Variants in ADGRL1 observed in about 807,000 individuals in gnomAD.
ADGRL1 encodes adhesion G protein-coupled receptor L1.
In ADGRL1, 31 loss-of-function variants were observed where a neutral mutation model predicts 148.9. The ratio of observed to expected loss-of-function variants is 0.21; its 90% CI spans 0.16 to 0.28. The LOEUF is 0.28. Ranked by LOEUF, ADGRL1 falls within the 10% of genes least tolerant of loss-of-function variation. ADGRL1 has a pLI of 1.00. For missense variants in ADGRL1, 1,521 were observed against 2,058.8 expected (o/e 0.74, Z 5.05); for synonymous variants, 937 against 900.3 (o/e 1.04, Z -0.73).
At chr19:14,156,889 G>A (rs1188988451) in intron 15 of ADGRL1, 36 bp downstream of exon 15, 1 of 1,599,928 alleles carries the variant, frequency 6.3e-7, no homozygotes, top group African/African-American at 1.3e-5. Context: ...CAGGGAACCA[G>A]GTGGGAGGGT....
At chr19:14,192,040 C>T (rs1192631193) in intron 1 of ADGRL1, among the ~76,000 whole-genome samples, 1 of 152,004 alleles carries the variant, frequency 6.6e-6, no homozygotes, top group Non-Finnish European at 1.5e-5. Context: ...GAGTAGGGGG[C>T]CCCACCCTTA....
intron 4 of ADGRL1, among the ~76,000 whole-genome samples, chr19:14,167,493 GC>G (rs1970090137): frequency 6.6e-6 from 1 of 152,138 alleles, no homozygotes. Flanking sequence ...TTCCCACCCT[GC>G]CTGCTGCCCT....
rs1776206165 is a variant in ADGRL1, at chr19:14,155,975, CCT to C, written c.3125+133_3125+134del. On this transcript the variant is annotated intron_variant, in intron 17 of 22. Coordinates refer to ENST00000361434, the MANE Select transcript of ADGRL1 (RefSeq NM_014921.5). This position sits in a 1 kb window ranked among gnomAD's most constrained non-coding sequence, Gnocchi z 5.0. ...TACATAGTGAACACAATAGAACACCCCTGTTGGTACTTAAAATTGCAATGTGT... is the reference window on the plus strand; with the variant it reads ...TACATAGTGAACACAATAGAACACCCGTTGGTACTTAAAATTGCAATGTGT... The C allele has an allele frequency of 2.9e-6, 2 of 678,070 alleles. No individual in the cohort carries two copies. Among genetic ancestry groups the C allele is most frequent in the Admixed American group, 2.1e-5 (1 of 46,760 alleles). The allele number at this position is 678,070 out of a possible 1,614,324, so 42.0% of individuals were successfully genotyped here.
chr19:14,158,463 C>G lies in ADGRL1; in HGVS notation c.2239G>C (p.Gly747Arg), dbSNP rs777441031. ...GAGGCGCCCCCAGGGCCACCCGGGCCTGCTTCGCCGGCCAGCTTCACTGTG... is the reference window on the plus strand; with the variant it reads ...GAGGCGCCCCCAGGGCCACCCGGGCGTGCTTCGCCGGCCAGCTTCACTGTG... The part of the protein sequence containing the change: ...NATVKLAGEA[G>R]PGGPGGASLV... Residue 747 changes from glycine to arginine, a missense_variant, in exon 12 of 23, where the codon GGC becomes CGC. This residue lies in a region of ADGRL1 where 265 missense variants were observed against 431.9 expected (regional missense o/e 0.61). Transcript: ENST00000361434. The G allele has an allele frequency of 1.1e-5, 17 of 1,613,840 alleles. No individual in the cohort carries two copies. In the Admixed American group the frequency reaches 1.8e-4, roughly 17 times the overall value.
chr19:14,167,272 A>G (rs1224083112), intron 4 of ADGRL1, among the ~76,000 whole-genome samples: 1 of 151,952 alleles, frequency 6.6e-6, no homozygotes, highest in Non-Finnish European at 1.5e-5. Context: ...GGAGACAGTC[A>G]GAGGGACGAG....
chr19:14,204,569 G>A (rs1293695293), intron 1 of ADGRL1, among the ~76,000 whole-genome samples: 1 of 152,002 alleles, frequency 6.6e-6, no homozygotes, highest in Non-Finnish European at 1.5e-5. Flanking sequence ...GGAGGTCAAC[G>A]GCCCGGAATA....
At chr19:14,153,816 C>T (rs1968458431) in intron 18 of ADGRL1, among the ~76,000 whole-genome samples, 1 of 151,606 alleles carries the variant, frequency 6.6e-6, no homozygotes, top group African/African-American at 2.4e-5. Context: ...CTGGTCGTGG[C>T]AGTGGGCGTC....
chr19:14,157,298 G>A lies in ADGRL1; in HGVS notation c.2698C>T (p.Leu900=). 2 of 1,614,182 alleles carry A rather than the reference G, an allele frequency of 1.2e-6. No homozygotes were observed. Among genetic ancestry groups the A allele is most frequent in the Non-Finnish European group, 1.7e-6 (2 of 1,180,028 alleles). The part of the protein sequence containing the change: ...IHKNLCINLF[L]AELLFLVGID... ...CCGACCAGGAAGAGCAGCTCAGCCA[G>A]GAAGAGGTTGATGCACAGGTTCTTG... Residue 900 remains leucine, a synonymous_variant, in exon 14 of 23, where the codon CTG becomes TTG. Transcript: ENST00000361434. This position sits in a 1 kb window ranked among gnomAD's most constrained non-coding sequence, Gnocchi z 7.5.
intron 2 of ADGRL1, among the ~76,000 whole-genome samples, chr19:14,178,856 G>A (rs1180854836): frequency 2.0e-5 from 3 of 152,130 alleles, no homozygotes; most frequent in Non-Finnish European, 4.4e-5. Flanking sequence ...GGAAGACAAT[G>A]TGAAGACACA....
At chr19:14,189,433 T>C (rs1432133919) in intron 1 of ADGRL1, among the ~76,000 whole-genome samples, 15 of 152,180 alleles carry the variant, frequency 9.9e-5, no homozygotes, top group African/African-American at 3.6e-4. Context: ...TTTCGTCATG[T>C]TGCCTAGGCT....
In ADGRL1 at chr19:14,157,544, T is replaced by A; in HGVS notation, c.2536-84A>T. The A allele has an allele frequency of 7.1e-7, 1 of 1,404,622 alleles. No homozygotes were observed. 87.0% of individuals were successfully genotyped at this position (1,404,622 alleles called of 1,614,324 possible). A position where few individuals can be genotyped will look rare whatever the true frequency, so the allele number is the denominator to read the frequency against. ...CAGGTGCCAGCCACAGACAGGGCCC[T>A]GGGCAAGGCCATGGGCCGTGAGGAC... On this transcript the variant is annotated intron_variant, in intron 13 of 22. Transcript: ENST00000361434. The surrounding 1 kb of genome is among the most constrained non-coding windows in gnomAD (Gnocchi z 7.5).
chr19:14,163,483 A>C (rs1447785596), intron 4 of ADGRL1, 77 bp from the exon 5 acceptor site: 3 of 1,082,210 alleles, frequency 2.8e-6, no homozygotes, highest in Non-Finnish European at 3.9e-6. Flanking sequence ...AGAGAGAGAG[A>C]GAGAGAGAGA....
Position 14,155,197 on chromosome 19 carries a change from G to T in ADGRL1, c.3294+162C>A. ...AAACCCTCCCTAACCCTGAGCTCGT[G>T]CTCCCCTCCCGGTGGACGCAGACCT... On this transcript the variant is annotated intron_variant, in intron 18 of 22. Coordinates refer to ENST00000361434, the MANE Select transcript of ADGRL1 (RefSeq NM_014921.5). This position sits in a 1 kb window ranked among gnomAD's most constrained non-coding sequence, Gnocchi z 5.0. The T allele has an allele frequency of 2.7e-6, 2 of 754,044 alleles. No individual in the cohort carries two copies. The highest frequency in any genetic ancestry group is 1.8e-5 in the African/African-American group (1 of 57,028). The allele number at this position is 754,044 out of a possible 1,614,324, so 46.7% of individuals were successfully genotyped here.
rs767336061 is a variant in ADGRL1, at chr19:14,151,203, C to T, written c.4080G>A (p.Thr1360=). 1.7e-5 allele frequency: 27 copies of T among 1,611,340 alleles called. No homozygotes were observed. Among genetic ancestry groups the T allele is most frequent in the Admixed American group, 3.3e-5 (2 of 59,936 alleles). ...GCCGGCTGGTGGCGCCGTCCTCGGC[C>T]GTGCAGCTCTCCGACTCGTCCAGAT... The part of the protein sequence containing the change: ...QSDLDESESC[T]AEDGATSRPL... The change falls in exon 23 of 23, where the codon ACG becomes ACA. Residue 1360 remains threonine, a synonymous_variant. Transcript: ENST00000361434.
intron 1 of ADGRL1, among the ~76,000 whole-genome samples, chr19:14,184,630 A>ATTTT (rs1568618689): frequency 2.1e-4 from 19 of 88,494 alleles, no homozygotes; most frequent in African/African-American, 3.2e-4. Flanking sequence ...TTATTTATTT[A>ATTTT]TTTATTTATT....
chr19:14,148,189 A>G lies in ADGRL1; in HGVS notation c.*2684T>C, dbSNP rs1222285055. The G allele has an allele frequency of 6.5e-6, 1 of 152,744 alleles. No homozygotes were observed. The highest frequency in any genetic ancestry group is 1.5e-5 in the Non-Finnish European group (1 of 68,204). The allele number at this position is 152,744 out of a possible 1,614,324, so 9.5% of individuals were successfully genotyped here. A position where few individuals can be genotyped will look rare whatever the true frequency, so the allele number is the denominator to read the frequency against. Reference sequence around the variant, plus strand: ...CCAGCTGGGGTGGGGGCGTCAAGGCACCAGGTCTGGTTAGGTTGGGGGGAC... The same window carrying G: ...CCAGCTGGGGTGGGGGCGTCAAGGCGCCAGGTCTGGTTAGGTTGGGGGGAC... On this transcript the variant is annotated 3_prime_UTR_variant, in exon 23 of 23. Coordinates refer to ENST00000361434, the MANE Select transcript of ADGRL1 (RefSeq NM_014921.5).
In ADGRL1 at chr19:14,155,429, T is replaced by G. The variant is rs777136255; in HGVS notation, c.3224A>C (p.Tyr1075Ser). The G allele has an allele frequency of 6.2e-7, 1 of 1,614,004 alleles. No individual in the cohort carries two copies. The highest frequency in any genetic ancestry group is 2.2e-5 in the East Asian group (1 of 44,868). Residue 1075 changes from tyrosine to serine, a missense_variant, in exon 18 of 23, where the codon TAT becomes TCT. Physicochemically the swap from Tyr to Ser is moderately radical, Grantham distance 144. This residue lies in a region of ADGRL1 where 185 missense variants were observed against 251.7 expected (regional missense o/e 0.74). Transcript: ENST00000361434. The surrounding 1 kb of genome is among the most constrained non-coding windows in gnomAD (Gnocchi z 5.0). ...FINKESVVMA[Y>S]LFTTFNAFQG... The stretch of plus-strand genomic sequence containing the variant: ...GAAGGCGTTGAAGGTGGTGAAGAGA[T>G]AGGCCATGACCACCGACTCCTTGTT...
At chr19:14,179,355 A>T (rs1421330803) in intron 2 of ADGRL1, among the ~76,000 whole-genome samples, 2 of 151,682 alleles carry the variant, frequency 1.3e-5, no homozygotes, top group South Asian at 4.2e-4. Flanking sequence ...TTAGCTGGGC[A>T]TGGTGGCGGG....
At chr19:14,187,790 T>G (rs985437070) in intron 1 of ADGRL1, among the ~76,000 whole-genome samples, 1 of 151,952 alleles carries the variant, frequency 6.6e-6, no homozygotes, top group Non-Finnish European at 1.5e-5. Flanking sequence ...TTATTTCAAC[T>G]TCCTCATTTC....
Sources: gnomAD v4.1 joint callset for allele counts (sites outside exome capture counted in the v4.1 genomes callset) on GRCh38, gnomAD v4.1.1 for gene constraint, gnomAD v4.1.1 regional missense constraint, Gnocchi (gnomAD v3.1) non-coding constraint, MANE v1.5 for transcripts, NCBI Gene and HGNC (gene_info 2026-07-23, HGNC 2026-07-21) for gene names.